Variants in KIF25 observed in about 807,000 individuals in gnomAD.
KIF25 encodes kinesin-like protein KIF25.
KIF25 carries 19 observed loss-of-function variants against 32.9 expected under a neutral mutation model. That is an observed-to-expected ratio of 0.58 (90% confidence interval 0.40 to 0.85). The LOEUF (loss-of-function observed/expected upper bound fraction) is 0.85. Among genes scored for constraint, KIF25 ranks in the 40% least tolerant of loss-of-function variants. The pLI is 0.00. For missense variants in KIF25, 485 were observed against 507.0 expected (o/e 0.96, Z 0.42); for synonymous variants, 225 against 213.7 (o/e 1.05, Z -0.46).
intron 8 of KIF25, among the ~76,000 whole-genome samples, chr6:168,037,268 CTGTT>C (rs1258140450): frequency 1.3e-5 from 2 of 152,158 alleles, no homozygotes; most frequent in East Asian, 1.9e-4. Flanking sequence ...ATTTTCTTGA[CTGTT>C]TGTCATTAGA....
chr6:168,033,469 C>T (rs1798969983), intron 7 of KIF25, among the ~76,000 whole-genome samples: 1 of 146,220 alleles, frequency 6.8e-6, no homozygotes, highest in South Asian at 2.2e-4. Context: ...CATTGCACTC[C>T]AGCCTATGTG....
At chr6:168,002,344 C>T (rs920198303) in intron 2 of KIF25, among the ~76,000 whole-genome samples, 199 bp from the exon 3 acceptor site, 16 of 152,018 alleles carry the variant, frequency 1.1e-4, no homozygotes, top group African/African-American at 3.4e-4. Context: ...GGTGAGAAGA[C>T]ACCTGAGGCG....
chr6:168,027,630 G>A lies in KIF25; in HGVS notation c.-94-1862G>A, dbSNP rs369491095. ...GGGAGGTGGGTGCTGGGGGTGCCAG[G>A]TCCCAGGGCCAGCTTCCCACTGGCA... On this transcript the variant is annotated intron_variant, in intron 5 of 12. Coordinates refer to ENST00000643607, the MANE Select transcript of KIF25 (RefSeq NM_030615.4). Among the ~76,000 whole-genome samples, 4 of 152,238 alleles carry A rather than the reference G, an allele frequency of 2.6e-5. No individual in the cohort carries two copies. The East Asian group carries it at 7.7e-4, about 29-fold the overall frequency.
chr6:168,025,686 C>A (rs368740395), intron 5 of KIF25, among the ~76,000 whole-genome samples: 25 of 152,298 alleles, frequency 1.6e-4, no homozygotes, highest in African/African-American at 6.0e-4. Flanking sequence ...TGTTTAGAGC[C>A]AAATGCACCC....
In KIF25 at chr6:168,044,841, T is replaced by C; in HGVS notation, c.1000T>C (p.Leu334=). 1.9e-6 allele frequency: 3 copies of C among 1,590,890 alleles called. No individual in the cohort carries two copies. In the African/African-American group the frequency reaches 4.1e-5, roughly 22 times the overall value. Residue 334 remains leucine, a synonymous_variant, in exon 13 of 13, where the codon TTA becomes CTA. Coordinates refer to ENST00000643607, the MANE Select transcript of KIF25 (RefSeq NM_030615.4). ...CTATTTTAAAGGAGGCGATGCGAAG[T>C]TACTGGTGATTCTCTGCATTTCTCC... ...LQDCLGGDAK[L]LVILCISPSQ...
chr6:168,022,764 T>A (rs1465523197), intron 5 of KIF25, among the ~76,000 whole-genome samples: 3 of 146,988 alleles, frequency 2.0e-5, no homozygotes, highest in African/African-American at 7.5e-5. Flanking sequence ...TGTTTGTTGT[T>A]GTTGTTTTTT....
intron 5 of KIF25, among the ~76,000 whole-genome samples, chr6:168,027,520 G>T (rs1798879539): frequency 6.6e-6 from 1 of 151,940 alleles, no homozygotes; most frequent in South Asian, 2.1e-4. Context: ...CAGGTTGGGG[G>T]GAAAATGGTC....
chr6:168,033,843 A>T lies in KIF25; in HGVS notation c.168-39A>T, dbSNP rs371715547. 142 of 1,587,004 alleles carry T rather than the reference A, an allele frequency of 8.9e-5. 1 individual carries two copies. The African/African-American group carries it at 1.6e-3, about 18-fold the overall frequency. ...TTTTCCTGGAATCTTCTTGGCACCC[A>T]CGTGTGTTTTGCTGGACTGAATCTG... On this transcript the variant is annotated intron_variant, in intron 7 of 12. Transcript: ENST00000643607.
chr6:168,024,391 T>C (rs527489734), intron 5 of KIF25, among the ~76,000 whole-genome samples: 168 of 151,022 alleles, frequency 1.1e-3, no homozygotes, highest in African/African-American at 3.9e-3. Context: ...GACTCAATTA[T>C]GCAGGGGAAT....
Position 168,033,927 on chromosome 6 carries a change from G to T in KIF25, c.213G>T (p.Lys71Asn). Residue 71 changes from lysine to asparagine, a missense_variant, in exon 8 of 13, where the codon AAG becomes AAT. Transcript: ENST00000643607. ...VMAYGQTGSG[K>N]SYTMLGRHSD... ...CGTATGGACAGACGGGCAGCGGAAA[G>T]AGCTATACCATGCTGGGACGCCATT... 1.9e-6 allele frequency: 3 copies of T among 1,614,212 alleles called. No homozygotes were observed. The highest frequency in any genetic ancestry group is 2.5e-6 in the Non-Finnish European group (3 of 1,180,038).
intron 7 of KIF25, among the ~76,000 whole-genome samples, chr6:168,031,178 A>T (rs1208432665): frequency 1.3e-5 from 2 of 152,046 alleles, no homozygotes; most frequent in Non-Finnish European, 2.9e-5. Flanking sequence ...TTCAGAATTT[A>T]AAAAAAATCT....
chr6:168,024,436 T>C (rs1177098390), intron 5 of KIF25, among the ~76,000 whole-genome samples: 3 of 143,018 alleles, frequency 2.1e-5, no homozygotes, highest in African/African-American at 5.2e-5. Context: ...TTTTTTTTTT[T>C]TTTTTTTTTT....
chr6:168,006,938 A>G (rs992522282), intron 4 of KIF25, among the ~76,000 whole-genome samples: 1 of 152,240 alleles, frequency 6.6e-6, no homozygotes, highest in Non-Finnish European at 1.5e-5. Context: ...TGCTCTTACT[A>G]TGTCCCCAGA....
chr6:168,032,184 C>T (rs559039803), intron 7 of KIF25, among the ~76,000 whole-genome samples: 3 of 152,322 alleles, frequency 2.0e-5, no homozygotes, highest in Admixed American at 1.3e-4. Context: ...CCCCACTTCC[C>T]GTCATGGCCT....
chr6:168,033,935 C>T lies in KIF25; in HGVS notation c.221C>T (p.Thr74Ile), dbSNP rs1693282548. 1 of 1,614,170 alleles carries T rather than the reference C, an allele frequency of 6.2e-7. No individual in the cohort carries two copies. The change falls in exon 8 of 13, where the codon ACC becomes ATC. Residue 74 changes from threonine to isoleucine, a missense_variant. By Grantham distance (89) the Thr-to-Ile change is moderately conservative. Coordinates refer to ENST00000643607, the MANE Select transcript of KIF25 (RefSeq NM_030615.4). ...CAGACGGGCAGCGGAAAGAGCTATACCATGCTGGGACGCCATTCGGACGAC... is the reference window on the plus strand; with the variant it reads ...CAGACGGGCAGCGGAAAGAGCTATATCATGCTGGGACGCCATTCGGACGAC... The part of the protein sequence containing the change: ...YGQTGSGKSY[T>I]MLGRHSDDGP...
At chr6:168,035,466 G>C (rs1308158808) in intron 8 of KIF25, among the ~76,000 whole-genome samples, 39 of 112,658 alleles carry the variant, frequency 3.5e-4, no homozygotes, top group South Asian at 1.1e-3. Context: ...CGCTGCGGGG[G>C]GGGCGGGAAC....
chr6:168,037,784 C>T (rs911126394), intron 8 of KIF25, among the ~76,000 whole-genome samples: 3 of 152,104 alleles, frequency 2.0e-5, no homozygotes, highest in Non-Finnish European at 4.4e-5. Context: ...TGCTCTGTCT[C>T]AGCTCACTGA....
At chr6:168,002,479 T>C (rs542946403) in intron 2 of KIF25, 64 bp from the exon 3 acceptor site, 3 of 152,452 alleles carry the variant, frequency 2.0e-5, no homozygotes, top group African/African-American at 7.2e-5. Flanking sequence ...TAAACGTGTG[T>C]GTGGACTGGC....
At chr6:168,042,211 G>C (rs1799134695) in intron 11 of KIF25, 60 bp downstream of exon 11, 2 of 1,478,816 alleles carry the variant, frequency 1.4e-6, no homozygotes, top group East Asian at 5.0e-5. Context: ...TGATCTGATG[G>C]AGCTGGATGT....
Sources: gnomAD v4.1 joint callset for allele counts (sites outside exome capture counted in the v4.1 genomes callset) on GRCh38, gnomAD v4.1.1 for gene constraint, MANE v1.5 for transcripts, NCBI Gene and HGNC (gene_info 2026-07-23, HGNC 2026-07-21) for gene names.